Variants in DTNB observed in about 807,000 individuals in gnomAD.
DTNB encodes DTN-B.
DTNB carries 63 observed loss-of-function variants against 90.7 expected under a neutral mutation model. The observed-to-expected ratio is 0.69, with a 90% CI of 0.57 to 0.86. DTNB has a LOEUF of 0.86. Among genes scored for constraint, DTNB ranks in the 40% least tolerant of loss-of-function variants. The probability of loss-of-function intolerance (pLI) is 0.00; values close to 1 mark genes in which losing one functional copy is unlikely to be tolerated. For missense variants in DTNB, 744 were observed against 807.1 expected (o/e 0.92, Z 0.95); for synonymous variants, 277 against 286.7 (o/e 0.97, Z 0.34).
intron 2 of DTNB, among the ~76,000 whole-genome samples, chr2:25,644,246 C>T (rs866114794): frequency 6.6e-6 from 1 of 152,118 alleles, no homozygotes; most frequent in African/African-American, 2.4e-5. Flanking sequence ...TTCTTTCTTG[C>T]GTGAGATCCA....
At chr2:25,410,968 G>C (rs1437928409) in intron 16 of DTNB, among the ~76,000 whole-genome samples, 3 of 145,728 alleles carry the variant, frequency 2.1e-5, no homozygotes, top group Admixed American at 7.0e-5. Context: ...CACTGTAACT[G>C]CTGCTAATCA....
At chr2:25,442,522 C>T (rs112962372) in intron 12 of DTNB, among the ~76,000 whole-genome samples, 7 of 152,304 alleles carry the variant, frequency 4.6e-5, no homozygotes, top group African/African-American at 1.2e-4. Context: ...AAGGTCGATG[C>T]GCTGCTCTAA....
chr2:25,585,559 C>T (rs998016358), intron 6 of DTNB, among the ~76,000 whole-genome samples: 11 of 152,030 alleles, frequency 7.2e-5, no homozygotes, highest in Non-Finnish European at 1.5e-4. Flanking sequence ...AGGAGTAACC[C>T]CTTAAAAATG....
At chr2:25,389,815 ATTG>A (rs1231621351) in intron 16 of DTNB, among the ~76,000 whole-genome samples, 2 of 150,738 alleles carry the variant, frequency 1.3e-5, no homozygotes, top group Non-Finnish European at 2.9e-5. Context: ...ACAGAAATGG[ATTG>A]TTTTCTGTGG....
intron 8 of DTNB, among the ~76,000 whole-genome samples, chr2:25,533,938 A>ATTTT (rs375465142): frequency 2.4e-4 from 36 of 147,352 alleles, no homozygotes; most frequent in African/African-American, 8.3e-4. Context: ...TTTTATTTTT[A>ATTTT]TTTTTATTTA....
At chr2:25,556,170 C>CTTTTTTTTTTTTT (rs60714399) in intron 8 of DTNB, among the ~76,000 whole-genome samples, 2 of 105,564 alleles carry the variant, frequency 1.9e-5, no homozygotes, top group Non-Finnish European at 3.6e-5. Flanking sequence ...GGCCATCTCT[C>CTTTTTTTTTTTTT]TTTTTTTTTT....
At position 25,638,997 on chromosome 2, in the gene DTNB, G is replaced by A. The variant is rs1285809634; in HGVS notation, c.148+17C>T. ...AACTCTATCCAGCTATCACAGAAAT[G>A]AGTAGAAATGACTCACGGTTGCATC... On this transcript the variant is annotated intron_variant, in intron 3 of 20. Coordinates refer to ENST00000406818, the MANE Select transcript of DTNB (RefSeq NM_021907.5). 5 of 1,562,222 alleles carry A rather than the reference G, an allele frequency of 3.2e-6. No individual in the cohort carries two copies. The highest frequency in any genetic ancestry group is 4.4e-6 in the Non-Finnish European group (5 of 1,147,580).
chr2:25,516,069 G>C (rs2075060525), intron 9 of DTNB, among the ~76,000 whole-genome samples: 3 of 152,128 alleles, frequency 2.0e-5, no homozygotes, highest in Admixed American at 2.0e-4. Context: ...TACATGATAA[G>C]GTACTCAATA....
chr2:25,545,229 T>C (rs1164696321), intron 8 of DTNB, among the ~76,000 whole-genome samples: 2 of 152,238 alleles, frequency 1.3e-5, no homozygotes, highest in African/African-American at 2.4e-5. Context: ...TTCATTCAAC[T>C]TGTCCCTTTT....
intron 3 of DTNB, among the ~76,000 whole-genome samples, chr2:25,629,928 A>G (rs180913704): frequency 5.3e-4 from 81 of 152,366 alleles, no homozygotes; most frequent in Middle Eastern, 6.8e-3. Context: ...TTCAAAGGAT[A>G]CTATCAAGAA....
At chr2:25,545,311 T>C (rs1248097772) in intron 8 of DTNB, among the ~76,000 whole-genome samples, 3 of 152,248 alleles carry the variant, frequency 2.0e-5, no homozygotes, top group African/African-American at 2.4e-5. Flanking sequence ...CTTGGCATGC[T>C]AAACCTATCT....
At chr2:25,608,330 G>C (rs2148520161) in intron 4 of DTNB, among the ~76,000 whole-genome samples, 1 of 152,080 alleles carries the variant, frequency 6.6e-6, no homozygotes, top group East Asian at 1.9e-4. Context: ...GATCACACCT[G>C]AAAAAAGGCA....
chr2:25,489,160 T>A (rs1163926752), intron 9 of DTNB, among the ~76,000 whole-genome samples: 1 of 152,224 alleles, frequency 6.6e-6, no homozygotes, highest in African/African-American at 2.4e-5. Context: ...ATTCTGGTGA[T>A]GCTCTGAAAT....
At chr2:25,411,685 G>C (rs926590732) in intron 16 of DTNB, among the ~76,000 whole-genome samples, 1 of 152,172 alleles carries the variant, frequency 6.6e-6, no homozygotes, top group Non-Finnish European at 1.5e-5. Flanking sequence ...CTGAGGCCCG[G>C]GATACCACTG....
intron 15 of DTNB, among the ~76,000 whole-genome samples, chr2:25,422,947 CT>C: frequency 6.6e-6 from 1 of 152,262 alleles, no homozygotes; most frequent in East Asian, 1.9e-4. Context: ...AATCCCAGCA[CT>C]TTGGGAGACC....
intron 10 of DTNB, among the ~76,000 whole-genome samples, chr2:25,461,313 A>G (rs2060913404): frequency 6.6e-6 from 1 of 152,154 alleles, no homozygotes; most frequent in South Asian, 2.1e-4. Context: ...ATGACCATGA[A>G]TTTTCTGATA....
chr2:25,413,724 T>C (rs747342609), intron 16 of DTNB, among the ~76,000 whole-genome samples: 48 of 152,314 alleles, frequency 3.2e-4, no homozygotes, highest in South Asian at 8.3e-4. Context: ...ATTGTGAATA[T>C]TGCCACAACA....
chr2:25,666,944 G>A (rs1224625904), intron 1 of DTNB, among the ~76,000 whole-genome samples: 2 of 152,006 alleles, frequency 1.3e-5, no homozygotes, highest in East Asian at 1.9e-4. Flanking sequence ...AATACTCTAG[G>A]CTTAGATAAG....
intron 6 of DTNB, among the ~76,000 whole-genome samples, chr2:25,589,920 A>G (rs2063233262): frequency 6.6e-6 from 1 of 152,192 alleles, no homozygotes; most frequent in Non-Finnish European, 1.5e-5. Context: ...AGCCATGTGC[A>G]GAGCAGTGAA....
Sources: gnomAD v4.1 joint callset for allele counts (sites outside exome capture counted in the v4.1 genomes callset) on GRCh38, gnomAD v4.1.1 for gene constraint, MANE v1.5 for transcripts, NCBI Gene and HGNC (gene_info 2026-07-23, HGNC 2026-07-21) for gene names.